TEK: variants seen among roughly 807,000 people sequenced by gnomAD.
The protein encoded by TEK is TEK receptor tyrosine kinase.
In TEK, 43 loss-of-function variants were observed where a neutral mutation model predicts 131.8. The observed-to-expected ratio is 0.33, with a 90% CI of 0.26 to 0.42. The LOEUF is 0.42. TEK is among the 10% of genes least tolerant of loss of function. The pLI is 1.00. For missense variants in TEK, 1,162 were observed against 1,384.4 expected, an observed-to-expected ratio of 0.84 and a Z score of 2.55; for synonymous variants, 580 against 491.6, an observed-to-expected ratio of 1.18 and a Z score of -2.38.
intron 1 of TEK, among the ~76,000 whole-genome samples, chr9:27,127,881 T>C (rs1822050852): frequency 6.6e-6 from 1 of 152,230 alleles, no homozygotes; most frequent in Non-Finnish European, 1.5e-5. Flanking sequence ...TATTAACCCC[T>C]TGTCAGAAGG....
At chr9:27,207,451 G>T (rs755007778) in intron 15 of TEK, among the ~76,000 whole-genome samples, 1 of 152,172 alleles carries the variant, frequency 6.6e-6, no homozygotes, top group Non-Finnish European at 1.5e-5. Flanking sequence ...CTGACTTAAG[G>T]TCATAAGAAC....
At chr9:27,190,462 T>C in intron 9 of TEK, 67 bp from the exon 10 acceptor site, 3 of 1,594,344 alleles carry the variant, frequency 1.9e-6, no homozygotes, top group Middle Eastern at 1.7e-4. Context: ...ATCTTCTACC[T>C]CTACCTAAGA....
At chr9:27,173,124 C>G (rs1218893921) in intron 5 of TEK, 98 bp from the exon 6 acceptor site, 2 of 1,500,126 alleles carry the variant, frequency 1.3e-6, no homozygotes, top group East Asian at 4.7e-5. Context: ...TTGACTGTTT[C>G]CCATATTCAC....
At chr9:27,188,970 C>A (rs1824704809) in intron 9 of TEK, among the ~76,000 whole-genome samples, 2 of 152,024 alleles carry the variant, frequency 1.3e-5, no homozygotes, top group African/African-American at 4.8e-5. Context: ...ATCAAGCCTT[C>A]CTGAGAAGAT....
chr9:27,216,504 C>G (rs1405590919), intron 18 of TEK, among the ~76,000 whole-genome samples: 3 of 152,102 alleles, frequency 2.0e-5, no homozygotes, highest in African/African-American at 7.2e-5. Flanking sequence ...GTTAGAATAA[C>G]AGCTGGGAGA....
chr9:27,185,337 T>C lies in TEK; in HGVS notation c.1183-148T>C. ...AGGGCTACTACAATAGCTTTGGAAATAAGCCAATAATTATATTAGCATTAC... is the reference window on the plus strand; with the variant it reads ...AGGGCTACTACAATAGCTTTGGAAACAAGCCAATAATTATATTAGCATTAC... On this transcript the variant is annotated intron_variant, in intron 8 of 22. Transcript: ENST00000380036. The C allele has an allele frequency of 3.0e-6, 3 of 997,528 alleles. No individual in the cohort carries two copies. In the South Asian group the frequency reaches 4.3e-5, roughly 14 times the overall value. The allele number at this position is 997,528 out of a possible 1,614,324, so 61.8% of individuals were successfully genotyped here.
chr9:27,228,872 C>T (rs887134228), intron 22 of TEK, among the ~76,000 whole-genome samples: 1 of 152,052 alleles, frequency 6.6e-6, no homozygotes, highest in East Asian at 1.9e-4. Flanking sequence ...GAAGAAGGAA[C>T]CCTAGGGAAG....
chr9:27,196,762 CTT>C (rs367911024), intron 11 of TEK, among the ~76,000 whole-genome samples: 3,121 of 99,236 alleles, frequency 0.031, 135 homozygotes, highest in African/African-American at 0.11. Flanking sequence ...GTGCTATACA[CTT>C]TTTTTTTTTT....
At chr9:27,181,884 C>T (rs1162854328) in intron 7 of TEK, among the ~76,000 whole-genome samples, 10 of 152,256 alleles carry the variant, frequency 6.6e-5, no homozygotes, top group South Asian at 2.1e-4. Flanking sequence ...GTGAAATCTA[C>T]ACTCACAATA....
At chr9:27,114,563 TC>T (rs1412500146) in intron 1 of TEK, among the ~76,000 whole-genome samples, 1 of 150,672 alleles carries the variant, frequency 6.6e-6, no homozygotes, top group Non-Finnish European at 1.5e-5. Context: ...AGAGTGAGAC[TC>T]CGTCTCAAAA....
Position 27,190,807 on chromosome 9 carries a change from G to A in TEK, c.1489+117G>A, listed in dbSNP as rs1824790088. ...AATCCTCTACCTCAAGGTGGTGGCT[G>A]TTGCAGAGGATTCTGTTTCAGAGTA... On this transcript the variant is annotated intron_variant, in intron 10 of 22. Coordinates refer to ENST00000380036, the MANE Select transcript of TEK (RefSeq NM_000459.5). 2.1e-6 allele frequency: 3 copies of A among 1,415,916 alleles called. No homozygotes were observed. In the Admixed American group the frequency reaches 5.4e-5, roughly 25 times the overall value. 87.7% of individuals were successfully genotyped at this position (1,415,916 alleles called of 1,614,324 possible). A position where few individuals can be genotyped will look rare whatever the true frequency, so the allele number is the denominator to read the frequency against.
chr9:27,181,425 G>A (rs1015258227), intron 7 of TEK, among the ~76,000 whole-genome samples: 5 of 152,096 alleles, frequency 3.3e-5, no homozygotes, highest in African/African-American at 1.2e-4. Flanking sequence ...TATTGTTCAA[G>A]GGTCAACCAT....
At chr9:27,153,935 A>G (rs1477239363) in intron 1 of TEK, among the ~76,000 whole-genome samples, 1 of 152,064 alleles carries the variant, frequency 6.6e-6, no homozygotes, top group Non-Finnish European at 1.5e-5. Context: ...TTTTTTTTTC[A>G]GCATTAAGTT....
At chr9:27,161,804 A>G (rs957293700) in intron 2 of TEK, among the ~76,000 whole-genome samples, 1 of 152,282 alleles carries the variant, frequency 6.6e-6, no homozygotes, top group African/African-American at 2.4e-5. Context: ...TTTTTTCCTC[A>G]TGTGAAAAAA....
intron 12 of TEK, among the ~76,000 whole-genome samples, chr9:27,198,889 C>T (rs1232538076): frequency 2.0e-5 from 3 of 152,174 alleles, no homozygotes; most frequent in African/African-American, 4.8e-5. Context: ...CCTTGGCTTC[C>T]TGGGCCCAAG....
intron 2 of TEK, 103 bp downstream of exon 2, chr9:27,158,245 A>G (rs1823414591): frequency 4.6e-6 from 6 of 1,316,158 alleles, no homozygotes; most frequent in Non-Finnish European, 6.5e-6. Context: ...CACTACCTGA[A>G]TGTAGAGCTT....
At chr9:27,209,395 G>C (rs1230668646) in intron 16 of TEK, among the ~76,000 whole-genome samples, 164 bp downstream of exon 16, 3 of 152,084 alleles carry the variant, frequency 2.0e-5, no homozygotes, top group Non-Finnish European at 4.4e-5. Context: ...ACTGTGCTGT[G>C]GTTTGCCTTG....
At chr9:27,115,861 C>A (rs868524524) in intron 1 of TEK, among the ~76,000 whole-genome samples, 1 of 152,282 alleles carries the variant, frequency 6.6e-6, no homozygotes, top group Middle Eastern at 3.4e-3. Flanking sequence ...AAGTTGGGGT[C>A]AGATCAAGAA....
intron 13 of TEK, among the ~76,000 whole-genome samples, 176 bp from the exon 14 acceptor site, chr9:27,204,735 C>A (rs1267972203): frequency 1.3e-5 from 2 of 151,126 alleles, no homozygotes; most frequent in Non-Finnish European, 2.9e-5. Context: ...GTGAGTCAGA[C>A]TCATCTCCAC....
Sources: allele counts gnomAD v4.1 joint callset (sites outside exome capture counted in the v4.1 genomes callset), GRCh38; gene constraint gnomAD v4.1.1; transcripts MANE v1.5; gene names NCBI Gene and HGNC (gene_info 2026-07-23, HGNC 2026-07-21).